The following ABL2 variants were observed in gnomAD, a reference collection of about 807,000 sequenced individuals.
ABL2 encodes the protein ABL proto-oncogene 2, non-receptor tyrosine kinase, also known as tyrosine-protein kinase ABL2.
ABL2 carries 49 observed loss-of-function variants against 107.7 expected under a neutral mutation model. The ratio of observed to expected loss-of-function variants is 0.45; its 90% confidence interval spans 0.36 to 0.58. The LOEUF (loss-of-function observed/expected upper bound fraction) is 0.58, where lower values mean the gene tolerates loss of function less well. ABL2 is among the 20% of genes least tolerant of loss of function. The pLI, the probability that ABL2 is intolerant of heterozygous loss-of-function variation, is 0.00. For synonymous variants in ABL2, 549 were observed against 548.6 expected, an observed-to-expected ratio of 1.00 and a Z score of -0.01; for missense variants, 1,245 against 1,457.0, an observed-to-expected ratio of 0.85 and a Z score of 2.37.
intron 1 of ABL2, among the ~76,000 whole-genome samples, chr1:179,171,562 G>C (rs1387920900): frequency 2.6e-5 from 4 of 152,206 alleles, no homozygotes; most frequent in Non-Finnish European, 5.9e-5. Flanking sequence ...CACCATCATA[G>C]CTCAGGTTGG....
chr1:179,142,988 A>T, intron 1 of ABL2: 2 of 1,614,220 alleles, frequency 1.2e-6, no homozygotes, highest in Non-Finnish European at 1.7e-6. Context: ...AGCAAAGTGA[A>T]GTGTCCTGAT....
intron 1 of ABL2, among the ~76,000 whole-genome samples, chr1:179,179,554 A>T (rs948850203): frequency 3.3e-5 from 5 of 152,032 alleles, no homozygotes; most frequent in African/African-American, 1.2e-4. Flanking sequence ...GCCCTCAAGA[A>T]CCTCATGTAC....
At chr1:179,218,556 C>T (rs1163633114) in intron 1 of ABL2, among the ~76,000 whole-genome samples, 1 of 152,112 alleles carries the variant, frequency 6.6e-6, no homozygotes, top group East Asian at 1.9e-4. Context: ...GCCACCACGC[C>T]CAGCTAATTT....
At chr1:179,121,285 C>G (rs556035961) in intron 5 of ABL2, among the ~76,000 whole-genome samples, 53 of 152,312 alleles carry the variant, frequency 3.5e-4, no homozygotes, top group African/African-American at 1.3e-3. Context: ...CAGCAGGGGT[C>G]GTTCTCAGGA....
chr1:179,178,933 C>T (rs72709475), intron 1 of ABL2, among the ~76,000 whole-genome samples: 3,358 of 152,128 alleles, frequency 0.022, 66 homozygotes, highest in Middle Eastern at 0.054. Flanking sequence ...TAAAATAAAG[C>T]CTTCTTATAG....
chr1:179,159,766 CTT>C (rs1337353648), intron 1 of ABL2, among the ~76,000 whole-genome samples: 1 of 152,084 alleles, frequency 6.6e-6, no homozygotes, highest in Non-Finnish European at 1.5e-5. Flanking sequence ...AAAATAATGT[CTT>C]ATAAAAATAC....
At chr1:179,118,545 G>T in intron 7 of ABL2, 42 bp downstream of exon 7, 1 of 1,570,436 alleles carries the variant, frequency 6.4e-7, no homozygotes, top group Non-Finnish European at 8.7e-7. Context: ...TGCATGTCAA[G>T]CAAGATGGCT....
chr1:179,110,757 G>GAAA lies in ABL2; in HGVS notation c.1652-303_1652-302insTTT, dbSNP rs776823300. The GAAA allele has an allele frequency of 3.1e-6, 5 of 1,613,758 alleles. No homozygotes were observed. In the South Asian group the frequency reaches 4.4e-5, roughly 14 times the overall value. ...ATGTTTAGGTTGTTTCCAGTTTGGA[G>GAAA]TTACTATGAATACGTTGCTAGCATC... On this transcript the variant is annotated intron_variant, in intron 10 of 11. Coordinates refer to ENST00000502732, the MANE Select transcript of ABL2 (RefSeq NM_007314.4).
chr1:179,192,545 C>T (rs1661081315), intron 1 of ABL2, among the ~76,000 whole-genome samples: 7 of 152,134 alleles, frequency 4.6e-5, no homozygotes, highest in Admixed American at 4.6e-4. Context: ...ATCATAATGG[C>T]ACACCAATTC....
chr1:179,181,913 C>T lies in ABL2; in HGVS notation c.157+47328G>A, dbSNP rs112984316. ...ATCCTGCCTCAACCTCCTGAGTAGC[C>T]GGGACTATAGTCACGTGTCACCAGG... is the stretch of plus-strand genomic sequence containing the variant. On this transcript the variant is annotated intron_variant, in intron 1 of 11. Coordinates refer to ENST00000502732, the MANE Select transcript of ABL2 (RefSeq NM_007314.4). Among the ~76,000 whole-genome samples the T allele has an allele frequency of 6.4e-3, 965 of 149,692 alleles. 18 individuals are homozygous for T. The highest frequency in any genetic ancestry group is 0.023 in the African/African-American group (931 of 40,690).
chr1:179,172,663 GAA>G (rs1411476590), intron 1 of ABL2, among the ~76,000 whole-genome samples: 1 of 151,998 alleles, frequency 6.6e-6, no homozygotes, highest in African/African-American at 2.4e-5. Flanking sequence ...AATTTCCCTC[GAA>G]AAGAGAATTT....
intron 1 of ABL2, among the ~76,000 whole-genome samples, chr1:179,209,247 C>G (rs141192328): frequency 5.1e-4 from 77 of 152,312 alleles, no homozygotes; most frequent in African/African-American, 1.8e-3. Context: ...GTCCTTATCT[C>G]TGAAGACACA....
rs542814601 is a variant in ABL2 at position 179,214,665 on chromosome 1, G to A, written c.157+14576C>T. Among the ~76,000 whole-genome samples the A allele has an allele frequency of 1.4e-4, 21 of 151,122 alleles. No individual in the cohort carries two copies. The East Asian group carries it at 1.9e-3, about 14-fold the overall frequency. The stretch of plus-strand genomic sequence containing the variant: ...CCAAGCTCAAATATATATACCCTTC[G>A]GATGGATTCAAATTACAAACATAAA... On this transcript the variant is annotated intron_variant, in intron 1 of 11. Transcript: ENST00000502732.
chr1:179,172,574 A>G (rs1659783290), intron 1 of ABL2, among the ~76,000 whole-genome samples: 1 of 152,238 alleles, frequency 6.6e-6, no homozygotes, highest in African/African-American at 2.4e-5. Flanking sequence ...TAAGATGTTA[A>G]TATAGAAAAA....
chr1:179,176,702 C>CTTT (rs35138436), intron 1 of ABL2, among the ~76,000 whole-genome samples: 4 of 107,302 alleles, frequency 3.7e-5, no homozygotes, highest in Admixed American at 1.2e-4. Context: ...GTTACATATT[C>CTTT]TTTTTTTTTT....
chr1:179,102,157 G>A lies in ABL2; in HGVS notation c.*5561C>T, dbSNP rs1433223416. The A allele has an allele frequency of 6.0e-5, 10 of 166,850 alleles. No homozygotes were observed. The highest frequency in any genetic ancestry group is 2.2e-4 in the African/African-American group (9 of 41,716). 10.3% of individuals were successfully genotyped at this position (166,850 alleles called of 1,614,324 possible). Reference sequence around the variant, plus strand: ...CTCCCCAGTAGCTGGGACTACAGGCGCCCGCCACCACGCCCAGCTAAGTTT... The same window carrying A: ...CTCCCCAGTAGCTGGGACTACAGGCACCCGCCACCACGCCCAGCTAAGTTT... On this transcript the variant is annotated 3_prime_UTR_variant, in exon 12 of 12. Transcript: ENST00000502732.
intron 8 of ABL2, 92 bp from the exon 9 acceptor site, chr1:179,115,122 A>AGTGTGTGAATG: frequency 3.3e-6 from 4 of 1,219,662 alleles, no homozygotes; most frequent in Non-Finnish European, 4.5e-6. Flanking sequence ...TTTAGGTAAC[A>AGTGTGTGAATG]TTCACACACT....
In ABL2 at chr1:179,106,019, G is replaced by A. The variant is rs974411198; in HGVS notation, c.*1699C>T. 4.6e-6 allele frequency: 1 copy of A among 219,366 alleles called. No homozygotes were observed. The highest frequency in any genetic ancestry group is 9.1e-6 in the Non-Finnish European group (1 of 109,372). The allele number at this position is 219,366 out of a possible 1,614,324, so 13.6% of individuals were successfully genotyped here. A position where few individuals can be genotyped will look rare whatever the true frequency, so the allele number is the denominator to read the frequency against. On this transcript the variant is annotated 3_prime_UTR_variant, in exon 12 of 12. Coordinates refer to ENST00000502732, the MANE Select transcript of ABL2 (RefSeq NM_007314.4). ...TAAATAGATTAAGAGATGAGGCTGT[G>A]GTTTGACAGTGTATCAATGACAGAG...
intron 1 of ABL2, among the ~76,000 whole-genome samples, chr1:179,195,744 G>A (rs997500786): frequency 1.3e-5 from 2 of 152,142 alleles, no homozygotes; most frequent in African/African-American, 4.8e-5. Context: ...CAACACAGAT[G>A]TACCTTGAAG....
Sources: gnomAD v4.1 joint callset for allele counts (sites outside exome capture counted in the v4.1 genomes callset) on GRCh38, gnomAD v4.1.1 for gene constraint, MANE v1.5 for transcripts, NCBI Gene and HGNC (gene_info 2026-07-23, HGNC 2026-07-21) for gene names.